RGPD2: variants seen among roughly 807,000 people sequenced by gnomAD.
RGPD2 encodes the protein RANBP2-like and GRIP domain-containing protein 2.
RGPD2 carries 2 observed loss-of-function variants against 36.0 expected under a neutral mutation model. The ratio of observed to expected loss-of-function variants is 0.06; its 90% CI spans 0.02 to 0.17. The LOEUF is 0.17. Ranked by LOEUF, RGPD2 falls within the 10% of genes least tolerant of loss-of-function variation. The pLI, the probability that RGPD2 is intolerant of heterozygous loss-of-function variation, is 1.00. For synonymous variants in RGPD2, 19 were observed against 163.8 expected (o/e 0.12, Z 6.75); for missense variants, 40 against 464.3 (o/e 0.09, Z 8.40).
chr2:87,871,696 T>C, the RGPD2 span, among the ~76,000 whole-genome samples: 1 of 151,900 alleles, frequency 6.6e-6, no homozygotes, highest in Admixed American at 6.6e-5. Flanking sequence ...AGAAACCCTG[T>C]CTCTACTAAA....
chr2:87,958,773 T>C, the RGPD2 span, among the ~76,000 whole-genome samples: 4 of 151,956 alleles, frequency 2.6e-5, no homozygotes, highest in African/African-American at 9.7e-5. Context: ...CATTCATTCC[T>C]CTATCACTAT....
chr2:87,957,676 C>T, the RGPD2 span, among the ~76,000 whole-genome samples: 1 of 152,246 alleles, frequency 6.6e-6, no homozygotes, highest in African/African-American at 2.4e-5. Context: ...TGGATTTTAA[C>T]ATATGAATTT....
the RGPD2 span, among the ~76,000 whole-genome samples, chr2:87,834,446 A>T: frequency 6.6e-6 from 1 of 152,114 alleles, no homozygotes; most frequent in Non-Finnish European, 1.5e-5. Flanking sequence ...ATAGATGTAG[A>T]ATATAGTAAA....
the RGPD2 span, among the ~76,000 whole-genome samples, chr2:87,860,746 G>A: frequency 2.2e-4 from 34 of 152,242 alleles, no homozygotes; most frequent in African/African-American, 6.5e-4. Context: ...GTGTGTCTGC[G>A]TATGCATAGA....
chr2:87,975,958 A>C, the RGPD2 span, among the ~76,000 whole-genome samples: 1 of 151,996 alleles, frequency 6.6e-6, no homozygotes, highest in African/African-American at 2.4e-5. Flanking sequence ...TGCAAGTCTG[A>C]AGAATGAAAA....
At chr2:87,988,782 C>A in the RGPD2 span, among the ~76,000 whole-genome samples, 1 of 151,792 alleles carries the variant, frequency 6.6e-6, no homozygotes, top group Non-Finnish European at 1.5e-5. Context: ...CTCAAGCGAT[C>A]CACCTGCCTC....
the RGPD2 span, among the ~76,000 whole-genome samples, chr2:87,986,431 C>T: frequency 6.6e-6 from 1 of 151,580 alleles, no homozygotes; most frequent in Non-Finnish European, 1.5e-5. Context: ...CTGTGCCCAG[C>T]CAAGGACAGC....
At chr2:87,849,320 A>G in the RGPD2 span, among the ~76,000 whole-genome samples, 2 of 151,308 alleles carry the variant, frequency 1.3e-5, no homozygotes, top group Non-Finnish European at 3.0e-5. Flanking sequence ...GTTAGTTGAG[A>G]TGTAAGGGTT....
At chr2:87,888,191 G>C in the RGPD2 span, among the ~76,000 whole-genome samples, 1 of 151,756 alleles carries the variant, frequency 6.6e-6, no homozygotes, top group Non-Finnish European at 1.5e-5. Flanking sequence ...ACACATGAAT[G>C]TTTTTCTAAA....
the RGPD2 span, among the ~76,000 whole-genome samples, chr2:87,977,534 C>T: frequency 4.6e-5 from 7 of 150,964 alleles, no homozygotes; most frequent in African/African-American, 7.4e-5. Context: ...ATGTACAAGG[C>T]CAGGCGTGGT....
the RGPD2 span, among the ~76,000 whole-genome samples, chr2:87,842,890 C>A: frequency 7.0e-6 from 1 of 142,892 alleles, no homozygotes; most frequent in Non-Finnish European, 1.5e-5. Flanking sequence ...AGAACAGAGC[C>A]CTCAGAAATA....
At chr2:87,775,227 CTCAA>C (rs1685216699) in intron 20 of RGPD2, 144 bp from the exon 21 acceptor site, 1 of 60,490 alleles carries the variant, frequency 1.7e-5, no homozygotes, top group Non-Finnish European at 3.9e-5. Context: ...TTCAACATAC[CTCAA>C]TCAACAGATT....
the RGPD2 span, among the ~76,000 whole-genome samples, chr2:87,973,416 C>T: frequency 1.5e-5 from 2 of 133,288 alleles, no homozygotes; most frequent in Non-Finnish European, 3.4e-5. Flanking sequence ...GTGCACTGCC[C>T]CCAGATTCTG....
the RGPD2 span, among the ~76,000 whole-genome samples, chr2:87,955,314 C>G: frequency 1.4e-5 from 2 of 142,464 alleles, no homozygotes; most frequent in Non-Finnish European, 3.0e-5. Context: ...CGCGCCCGGC[C>G]GAAAAGTTCT....
chr2:87,989,028 G>A, the RGPD2 span: 1 of 255,558 alleles, frequency 3.9e-6, no homozygotes, highest in Non-Finnish European at 7.5e-6. Flanking sequence ...TTCAAAAATG[G>A]CAAAATAATG....
intron 6 of RGPD2, among the ~76,000 whole-genome samples, chr2:87,809,221 C>T (rs1203229517): frequency 5.9e-5 from 9 of 152,178 alleles, no homozygotes; most frequent in African/African-American, 2.2e-4. Context: ...AGGAGAATGG[C>T]GTGAACCCTG....
At chr2:87,985,752 G>T in the RGPD2 span, 1 of 1,607,480 alleles carries the variant, frequency 6.2e-7, no homozygotes, top group Admixed American at 1.7e-5. Context: ...TAAGCGGTCT[G>T]TGTTAAAACC....
At chr2:87,841,403 GT>G in the RGPD2 span, among the ~76,000 whole-genome samples, 20 of 152,032 alleles carry the variant, frequency 1.3e-4, no homozygotes, top group Admixed American at 1.3e-3. Context: ...AAATTACCCA[GT>G]TTCAGATATT....
chr2:87,938,182 T>C, the RGPD2 span, among the ~76,000 whole-genome samples: 1 of 151,832 alleles, frequency 6.6e-6, no homozygotes, highest in South Asian at 2.1e-4. Context: ...GATTCTATCA[T>C]ATGTCAGTGG....
Sources: allele counts gnomAD v4.1 joint callset (sites outside exome capture counted in the v4.1 genomes callset), GRCh38; gene constraint gnomAD v4.1.1; transcripts MANE v1.5; gene names NCBI Gene and HGNC (gene_info 2026-07-23, HGNC 2026-07-21).